DLG1: variants seen among roughly 807,000 people sequenced by gnomAD.
DLG1 encodes the protein disks large homolog 1.
DLG1 carries 42 observed loss-of-function variants against 123.4 expected under a neutral mutation model. The ratio of observed to expected loss-of-function variants is 0.34; its 90% CI spans 0.27 to 0.44. DLG1 has a LOEUF of 0.44. Ranked by LOEUF, DLG1 falls within the 20% of genes least tolerant of loss-of-function variation. The pLI, the probability that DLG1 is intolerant of heterozygous loss-of-function variation, is 1.00. For missense variants in DLG1, 942 were observed against 1,082.6 expected, an observed-to-expected ratio of 0.87 and a Z score of 1.82; for synonymous variants, 317 against 356.2, an observed-to-expected ratio of 0.89 and a Z score of 1.24.
At chr3:197,297,358 C>A in intron 1 of DLG1, 123 bp from the exon 2 acceptor site, 1 of 1,476,076 alleles carries the variant, frequency 6.8e-7, no homozygotes, top group South Asian at 1.4e-5. Context: ...TTTACCAAGT[C>A]AAAGAAAGAG....
At chr3:197,160,167 A>T (rs549789788) in intron 5 of DLG1, among the ~76,000 whole-genome samples, 1 of 152,292 alleles carries the variant, frequency 6.6e-6, no homozygotes, top group South Asian at 2.1e-4. Flanking sequence ...ACTATGCAAG[A>T]TCTCAACAAT....
At chr3:197,263,531 A>G (rs967447859) in intron 4 of DLG1, among the ~76,000 whole-genome samples, 1 of 152,208 alleles carries the variant, frequency 6.6e-6, no homozygotes, top group Non-Finnish European at 1.5e-5. Flanking sequence ...TCACACCTGT[A>G]ATCCCAGCAC....
At chr3:197,263,632 C>T (rs1298723171) in intron 4 of DLG1, among the ~76,000 whole-genome samples, 2 of 151,856 alleles carry the variant, frequency 1.3e-5, no homozygotes, top group Non-Finnish European at 2.9e-5. Flanking sequence ...ACTACAAATA[C>T]AAAAATTAGC....
At chr3:197,149,970 A>AT (rs1300936183) in intron 5 of DLG1, among the ~76,000 whole-genome samples, 174 bp from the exon 6 acceptor site, 1 of 152,222 alleles carries the variant, frequency 6.6e-6, no homozygotes, top group African/African-American at 2.4e-5. Flanking sequence ...AAAATTATGT[A>AT]TAAGCAGTTA....
Position 197,158,634 on chromosome 3 carries a change from C to CAA in DLG1, c.484-8840_484-8839dup, listed in dbSNP as rs71623339. Among the ~76,000 whole-genome samples, 135 of 67,444 alleles carry CAA rather than the reference C, an allele frequency of 2.0e-3. 4 individuals carry two copies. Among genetic ancestry groups the CAA allele is most frequent in the East Asian group, 3.9e-3 (6 of 1,540 alleles). 44.2% of individuals were successfully genotyped at this position (67,444 alleles called of 152,430 possible). A position where few individuals can be genotyped will look rare whatever the true frequency, so the allele number is the denominator to read the frequency against. Reference sequence around the variant, plus strand: ...GGGTAACAAGAGCAAAACTCCATTTCAAAAAAAAAAAAAAAAAAAAAAAGC... The same window carrying CAA: ...GGGTAACAAGAGCAAAACTCCATTTCAAAAAAAAAAAAAAAAAAAAAAAAAGC... On this transcript the variant is annotated intron_variant, in intron 5 of 24. Coordinates refer to ENST00000667157, the MANE Select transcript of DLG1 (RefSeq NM_001366207.1).
At chr3:197,191,322 T>C (rs1228179590) in intron 5 of DLG1, among the ~76,000 whole-genome samples, 2 of 152,198 alleles carry the variant, frequency 1.3e-5, no homozygotes, top group Non-Finnish European at 2.9e-5. Flanking sequence ...AACAAAATCT[T>C]GTGTCTGGAA....
chr3:197,297,338 G>A (rs1777927369), intron 1 of DLG1, 103 bp from the exon 2 acceptor site: 2 of 1,505,048 alleles, frequency 1.3e-6, no homozygotes, highest in East Asian at 2.4e-5. Flanking sequence ...AAAACCCCAC[G>A]TTCCAAAGTT....
At chr3:197,139,444 C>A (rs921246077) in intron 8 of DLG1, among the ~76,000 whole-genome samples, 2 of 152,114 alleles carry the variant, frequency 1.3e-5, no homozygotes, top group Non-Finnish European at 2.9e-5. Context: ...AAATAAGATG[C>A]TGTTTTTAAC....
intron 10 of DLG1, 196 bp downstream of exon 10, chr3:197,136,346 A>C: frequency 3.9e-6 from 2 of 518,624 alleles, no homozygotes; most frequent in South Asian, 5.4e-5. Flanking sequence ...AAAAGGGAGG[A>C]GGAGCTAGCA....
Position 197,044,423 on chromosome 3 carries a change from C to A in DLG1, c.*200G>T. 2.6e-6 allele frequency: 1 copy of A among 391,668 alleles called. No homozygotes were observed. The highest frequency in any genetic ancestry group is 8.0e-5 in the South Asian group (1 of 12,548). The allele number at this position is 391,668 out of a possible 1,614,324, so 24.3% of individuals were successfully genotyped here. A position where few individuals can be genotyped will look rare whatever the true frequency, so the allele number is the denominator to read the frequency against. On this transcript the variant is annotated 3_prime_UTR_variant, in exon 25 of 25. Transcript: ENST00000667157. ...TCCATCTTCAGTTCTGAAAAATGGC[C>A]ACTAACCAATAGTGACATTAAATAA...
rs146665145 is a variant in DLG1, at chr3:197,290,200, G to A, written c.151+6146C>T. Among the ~76,000 whole-genome samples, 41 of 152,124 alleles carry A rather than the reference G, an allele frequency of 2.7e-4. No homozygotes were observed. In the East Asian group the frequency reaches 6.6e-3, roughly 24 times the overall value. On this transcript the variant is annotated intron_variant, in intron 3 of 24. Coordinates refer to ENST00000667157, the MANE Select transcript of DLG1 (RefSeq NM_001366207.1). ...GTATCTGCAAGTTCATGAAAGACAC[G>A]GGAAAAAAAGAAGGAAGGCTCTTGT... is the stretch of plus-strand genomic sequence containing the variant.
intron 5 of DLG1, among the ~76,000 whole-genome samples, chr3:197,189,281 G>A (rs528212514): frequency 6.6e-6 from 1 of 152,052 alleles, no homozygotes; most frequent in Non-Finnish European, 1.5e-5. Flanking sequence ...TCAAATTATG[G>A]TGCAAATATA....
At chr3:197,267,541 C>G (rs1388534746) in intron 4 of DLG1, among the ~76,000 whole-genome samples, 1 of 144,758 alleles carries the variant, frequency 6.9e-6, no homozygotes, top group Non-Finnish European at 1.5e-5. Context: ...CTTAGCTAAG[C>G]TTCTTGAAAA....
intron 5 of DLG1, among the ~76,000 whole-genome samples, chr3:197,152,150 T>C (rs1401068048): frequency 6.6e-6 from 1 of 152,168 alleles, no homozygotes; most frequent in Admixed American, 6.5e-5. Flanking sequence ...AAGACAGGTA[T>C]TGCTATCTTT....
intron 6 of DLG1, 30 bp downstream of exon 6, chr3:197,149,713 A>C (rs1364042817): frequency 7.0e-7 from 1 of 1,427,936 alleles, no homozygotes; most frequent in South Asian, 1.1e-5. Flanking sequence ...AGGCAGAATT[A>C]CTTCAATGTG....
chr3:197,200,465 G>C (rs1426597682), intron 4 of DLG1, among the ~76,000 whole-genome samples: 1 of 152,132 alleles, frequency 6.6e-6, no homozygotes, highest in Non-Finnish European at 1.5e-5. Context: ...GGATTAACAT[G>C]TGTTGAGGAA....
intron 4 of DLG1, among the ~76,000 whole-genome samples, chr3:197,280,432 G>C (rs116024268): frequency 6.6e-6 from 1 of 152,026 alleles, no homozygotes; most frequent in Non-Finnish European, 1.5e-5. Context: ...TGGCCACTGT[G>C]AATAGTGCTG....
At chr3:197,099,402 A>G (rs1579142907) in intron 14 of DLG1, among the ~76,000 whole-genome samples, 1 of 152,166 alleles carries the variant, frequency 6.6e-6, no homozygotes, top group Non-Finnish European at 1.5e-5. Flanking sequence ...CAGTTAAGTC[A>G]TTTACACTCC....
chr3:197,218,240 AATC>A (rs751018483), intron 4 of DLG1, among the ~76,000 whole-genome samples: 2 of 152,208 alleles, frequency 1.3e-5, no homozygotes, highest in Non-Finnish European at 2.9e-5. Flanking sequence ...TGAAATTTAT[AATC>A]ATCATAATTT....
Sources: gnomAD v4.1 joint callset for allele counts (sites outside exome capture counted in the v4.1 genomes callset) on GRCh38, gnomAD v4.1.1 for gene constraint, MANE v1.5 for transcripts, NCBI Gene and HGNC (gene_info 2026-07-23, HGNC 2026-07-21) for gene names.